EDIL3: variants seen among roughly 807,000 people sequenced by gnomAD.
EDIL3 encodes the protein EGF like and discoidin domains 3, also known as EGF-like repeat and discoidin I-like domain-containing protein 3.
EDIL3 carries 37 observed loss-of-function variants against 67.4 expected under a neutral mutation model. That is an observed-to-expected ratio of 0.55 (90% CI 0.42 to 0.72). EDIL3 has a LOEUF of 0.72. Among genes scored for constraint, EDIL3 ranks in the 30% least tolerant of loss-of-function variants. The pLI is 0.00. For synonymous variants in EDIL3, 195 were observed against 196.3 expected, an observed-to-expected ratio of 0.99 and a Z score of 0.05; for missense variants, 527 against 586.3, an observed-to-expected ratio of 0.90 and a Z score of 1.04.
At chr5:84,335,822 AT>A (rs1746974923) in intron 1 of EDIL3, among the ~76,000 whole-genome samples, 2 of 152,208 alleles carry the variant, frequency 1.3e-5, no homozygotes, top group Non-Finnish European at 2.9e-5. Flanking sequence ...AAGAACAGAA[AT>A]TTTTTTGTCA....
chr5:84,308,287 A>G (rs74584843), intron 1 of EDIL3, among the ~76,000 whole-genome samples: 1 of 152,200 alleles, frequency 6.6e-6, no homozygotes, highest in Non-Finnish European at 1.5e-5. Flanking sequence ...TTTGTTTTGA[A>G]AACGCTGAGT....
intron 1 of EDIL3, among the ~76,000 whole-genome samples, chr5:84,271,958 T>C (rs1034471596): frequency 6.6e-6 from 1 of 152,146 alleles, no homozygotes; most frequent in African/African-American, 2.4e-5. Context: ...CTTTTCTTCT[T>C]CTTAGCTTAA....
intron 9 of EDIL3, among the ~76,000 whole-genome samples, chr5:83,975,771 A>C (rs114395416): frequency 0.036 from 5,487 of 152,024 alleles, 131 homozygotes; most frequent in Non-Finnish European, 0.054. Flanking sequence ...TCTTGTAAAA[A>C]TTATTAGAAT....
At chr5:84,030,045 T>G (rs1745890355) in intron 9 of EDIL3, among the ~76,000 whole-genome samples, 1 of 151,264 alleles carries the variant, frequency 6.6e-6, no homozygotes, top group Non-Finnish European at 1.5e-5. Context: ...TGATCATATA[T>G]CTCTAAAGGT....
At chr5:84,242,480 C>T (rs1744816588) in intron 2 of EDIL3, among the ~76,000 whole-genome samples, 1 of 152,078 alleles carries the variant, frequency 6.6e-6, no homozygotes, top group Non-Finnish European at 1.5e-5. Flanking sequence ...GCATGCTCAG[C>T]ATGTAAGAAA....
intron 3 of EDIL3, among the ~76,000 whole-genome samples, chr5:84,205,392 C>A (rs1743949664): frequency 1.3e-5 from 2 of 151,980 alleles, no homozygotes. Context: ...GCCAGAAAAA[C>A]AATGAAGTCA....
At chr5:84,331,595 C>A (rs1746872817) in intron 1 of EDIL3, among the ~76,000 whole-genome samples, 2 of 152,108 alleles carry the variant, frequency 1.3e-5, no homozygotes, top group South Asian at 2.1e-4. Flanking sequence ...GAGGCCTCCC[C>A]AGCCCTGTGG....
intron 1 of EDIL3, among the ~76,000 whole-genome samples, chr5:84,331,801 G>T (rs1177939086): frequency 6.6e-6 from 1 of 152,010 alleles, no homozygotes; most frequent in Non-Finnish European, 1.5e-5. Context: ...ATTCATTTAT[G>T]TTCTTTTTAA....
At chr5:84,079,548 T>A (rs1157397097) in intron 6 of EDIL3, among the ~76,000 whole-genome samples, 1 of 147,376 alleles carries the variant, frequency 6.8e-6, no homozygotes, top group African/African-American at 2.5e-5. Flanking sequence ...GAGTAGGAAA[T>A]TTTTTTTTTT....
At chr5:84,181,469 G>C (rs1749011949) in intron 3 of EDIL3, among the ~76,000 whole-genome samples, 1 of 152,164 alleles carries the variant, frequency 6.6e-6, no homozygotes, top group African/African-American at 2.4e-5. Flanking sequence ...CCAATGGTGT[G>C]GCTGAGATTT....
At chr5:84,348,220 T>C (rs1747272535) in intron 1 of EDIL3, among the ~76,000 whole-genome samples, 1 of 152,124 alleles carries the variant, frequency 6.6e-6, no homozygotes, top group African/African-American at 2.4e-5. Context: ...AGCTAGAGTA[T>C]TTATACAGCA....
chr5:84,062,091 G>A (rs1746556392), intron 8 of EDIL3, among the ~76,000 whole-genome samples: 1 of 151,918 alleles, frequency 6.6e-6, no homozygotes, highest in African/African-American at 2.4e-5. Context: ...GTCTTAACAC[G>A]AGTACATTTT....
At chr5:83,981,833 T>C (rs990993780) in intron 9 of EDIL3, among the ~76,000 whole-genome samples, 12 of 152,188 alleles carry the variant, frequency 7.9e-5, no homozygotes, top group Admixed American at 5.2e-4. Context: ...CATTAAGTCA[T>C]TCATTTTAAA....
At chr5:84,265,572 GACA>G (rs1342818810) in intron 1 of EDIL3, among the ~76,000 whole-genome samples, 3 of 152,178 alleles carry the variant, frequency 2.0e-5, no homozygotes, top group Admixed American at 6.5e-5. Context: ...TTCACATGAA[GACA>G]ACGTTTTATA....
chr5:84,075,708 C>T (rs1403185372), intron 6 of EDIL3, among the ~76,000 whole-genome samples: 1 of 152,120 alleles, frequency 6.6e-6, no homozygotes, highest in Non-Finnish European at 1.5e-5. Context: ...CTCTCAACCT[C>T]AGGTGATCTG....
chr5:83,964,403 T>A (rs1744656732), intron 9 of EDIL3, among the ~76,000 whole-genome samples: 1 of 151,936 alleles, frequency 6.6e-6, no homozygotes, highest in East Asian at 1.9e-4. Flanking sequence ...CCTTGCTACA[T>A]CCTTGATCTT....
intron 1 of EDIL3, among the ~76,000 whole-genome samples, chr5:84,354,923 C>T (rs1272495758): frequency 2.0e-5 from 3 of 151,748 alleles, no homozygotes; most frequent in African/African-American, 7.3e-5. Context: ...TTATTTTTTC[C>T]TTCATTTCAC....
chr5:84,249,721 G>A (rs1004597821), intron 2 of EDIL3, among the ~76,000 whole-genome samples: 1 of 152,016 alleles, frequency 6.6e-6, no homozygotes, highest in Non-Finnish European at 1.5e-5. Flanking sequence ...GGATTACTCT[G>A]ATAACACACA....
chr5:83,997,041 A>G (rs1745248740), intron 9 of EDIL3, among the ~76,000 whole-genome samples: 1 of 152,148 alleles, frequency 6.6e-6, no homozygotes, highest in African/African-American at 2.4e-5. Context: ...ATAGAGGGAG[A>G]AAAAAACTTG....
Sources: gnomAD v4.1 joint callset for allele counts (sites outside exome capture counted in the v4.1 genomes callset) on GRCh38, gnomAD v4.1.1 for gene constraint, MANE v1.5 for transcripts, NCBI Gene and HGNC (gene_info 2026-07-23, HGNC 2026-07-21) for gene names.